The following SRPK2 variants were observed in gnomAD, a reference collection of about 807,000 sequenced individuals.
SRPK2 encodes SRSF protein kinase 2, also known as SFRS protein kinase 2.
A neutral mutation model predicts 90.8 loss-of-function variants in SRPK2; 21 were observed. That is an observed-to-expected ratio of 0.23 (90% confidence interval 0.16 to 0.33). The LOEUF (loss-of-function observed/expected upper bound fraction) is 0.33. SRPK2 is among the 10% of genes least tolerant of loss of function. The probability of loss-of-function intolerance (pLI) is 1.00; values close to 1 mark genes in which losing one functional copy is unlikely to be tolerated. For synonymous variants in SRPK2, 288 were observed against 311.1 expected (o/e 0.93, Z 0.78); for missense variants, 620 against 869.0 (o/e 0.71, Z 3.60).
chr7:105,193,903 G>A (rs540851610), intron 3 of SRPK2, among the ~76,000 whole-genome samples: 4 of 152,204 alleles, frequency 2.6e-5, no homozygotes, highest in South Asian at 2.1e-4. Flanking sequence ...TTATGTGTAC[G>A]ATTCCCTGCT....
intron 3 of SRPK2, among the ~76,000 whole-genome samples, chr7:105,170,587 G>A (rs908052256): frequency 1.3e-5 from 2 of 151,334 alleles, no homozygotes; most frequent in African/African-American, 2.4e-5. Flanking sequence ...CCAGCTACTC[G>A]GGAGGCTGAT....
At chr7:105,179,351 G>T (rs545639434) in intron 3 of SRPK2, among the ~76,000 whole-genome samples, 5 of 152,094 alleles carry the variant, frequency 3.3e-5, no homozygotes, top group Non-Finnish European at 2.9e-5. Context: ...TTACTGTTCT[G>T]CCAGTACTCT....
intron 13 of SRPK2, among the ~76,000 whole-genome samples, chr7:105,131,002 G>A (rs781606412): frequency 1.3e-5 from 2 of 152,192 alleles, no homozygotes; most frequent in African/African-American, 2.4e-5. Flanking sequence ...AAGCAGGACA[G>A]GGAAATTGTA....
intron 2 of SRPK2, among the ~76,000 whole-genome samples, chr7:105,250,679 G>A (rs962305438): frequency 5.3e-5 from 8 of 152,132 alleles, no homozygotes; most frequent in Admixed American, 5.2e-4. Flanking sequence ...CATTTAAATT[G>A]GAAGAATATT....
At chr7:105,357,097 G>A (rs907137273) in intron 2 of SRPK2, among the ~76,000 whole-genome samples, 2 of 150,590 alleles carry the variant, frequency 1.3e-5, no homozygotes, top group Non-Finnish European at 2.9e-5. Flanking sequence ...GTGCAGTGGT[G>A]CGATCTCGGC....
chr7:105,332,850 C>T (rs1241288685), intron 2 of SRPK2: 1 of 151,806 alleles, frequency 6.6e-6, no homozygotes, highest in African/African-American at 2.4e-5. Context: ...TTAGCATGGC[C>T]CCTGCCCAAG....
At chr7:105,169,050 CT>C (rs1790469874) in intron 4 of SRPK2, 106 bp downstream of exon 4, 1 of 936,744 alleles carries the variant, frequency 1.1e-6, no homozygotes, top group Non-Finnish European at 1.6e-6. Context: ...GTGCTAAGCA[CT>C]TCACATACCT....
At chr7:105,335,912 T>C (rs1204071) in intron 2 of SRPK2, among the ~76,000 whole-genome samples, 150,988 of 152,080 alleles carry the variant, frequency 0.99, 74,956 homozygotes, top group East Asian at 1. Context: ...GCCGAGGTCA[T>C]GCCATTGCAT....
intron 2 of SRPK2, among the ~76,000 whole-genome samples, chr7:105,280,724 G>A (rs1449568091): frequency 6.6e-6 from 1 of 150,590 alleles, no homozygotes; most frequent in African/African-American, 2.4e-5. Context: ...GAGGCGGGTG[G>A]ATCACGAGGT....
At chr7:105,242,589 G>C (rs1368324297) in intron 2 of SRPK2, among the ~76,000 whole-genome samples, 1 of 152,208 alleles carries the variant, frequency 6.6e-6, no homozygotes, top group South Asian at 2.1e-4. Context: ...AGTAAAGCAA[G>C]TGATCATTAT....
chr7:105,173,387 C>A (rs903457015), intron 3 of SRPK2, among the ~76,000 whole-genome samples: 4 of 152,176 alleles, frequency 2.6e-5, no homozygotes, highest in Non-Finnish European at 5.9e-5. Context: ...CTCCTGGTTT[C>A]CTACACAATC....
intron 3 of SRPK2, among the ~76,000 whole-genome samples, chr7:105,192,773 T>C (rs1308821886): frequency 6.6e-6 from 1 of 152,226 alleles, no homozygotes; most frequent in Non-Finnish European, 1.5e-5. Flanking sequence ...CATTGTGATT[T>C]TGATTTGCAT....
Position 105,117,950 on chromosome 7 carries a change from G to A in SRPK2, c.1988C>T (p.Pro663Leu). 6.2e-7 allele frequency: 1 copy of A among 1,614,148 alleles called. No individual in the cohort carries two copies. The highest frequency in any genetic ancestry group is 8.5e-7 in the Non-Finnish European group (1 of 1,180,022). The change falls in exon 16 of 16, where the codon CCC becomes CTC. Residue 663 changes from proline (P) to leucine (L), a missense_variant. Around this residue, in one of 8 missense-constraint regions of SRPK2, gnomAD observed 71 missense variants for 123.1 expected, o/e 0.58. Coordinates refer to ENST00000393651, the MANE Select transcript of SRPK2 (RefSeq NM_182692.3). Reference protein sequence around the residue: ...FDVLVEKYGWPHEDAAQFTDF... With the variant: ...FDVLVEKYGWLHEDAAQFTDF... ...TGTAAACTGTGCAGCATCTTCATGG[G>A]GCCAGCCATACTTTTCCACAAGTAC...
At chr7:105,385,411 C>T (rs997198792) in intron 2 of SRPK2, among the ~76,000 whole-genome samples, 1 of 151,424 alleles carries the variant, frequency 6.6e-6, no homozygotes. Context: ...CTCCTGACCT[C>T]GTGATCCGCC....
At chr7:105,301,888 G>C in intron 2 of SRPK2, 1 of 1,598,982 alleles carries the variant, frequency 6.3e-7, no homozygotes. Flanking sequence ...CCACAACATC[G>C]ATAAGCAATA....
At chr7:105,178,486 T>C (rs1175529675) in intron 3 of SRPK2, among the ~76,000 whole-genome samples, 2 of 152,140 alleles carry the variant, frequency 1.3e-5, no homozygotes, top group Admixed American at 1.3e-4. Flanking sequence ...GAGCAAAGGC[T>C]AATATTCCAA....
intron 2 of SRPK2, among the ~76,000 whole-genome samples, chr7:105,283,088 C>T (rs1235803247): frequency 6.6e-6 from 1 of 152,170 alleles, no homozygotes; most frequent in East Asian, 1.9e-4. Flanking sequence ...ATCAAAGTAA[C>T]AGTGAAATAC....
At chr7:105,310,502 G>A (rs1394664633) in intron 2 of SRPK2, among the ~76,000 whole-genome samples, 2 of 152,072 alleles carry the variant, frequency 1.3e-5, no homozygotes, top group South Asian at 2.1e-4. Context: ...ACTTTAGCAG[G>A]GCATGGTGGC....
At chr7:105,322,408 C>T (rs962498912) in intron 2 of SRPK2, among the ~76,000 whole-genome samples, 1 of 152,108 alleles carries the variant, frequency 6.6e-6, no homozygotes, top group African/African-American at 2.4e-5. Flanking sequence ...CAGAGTGAGA[C>T]TTGAATGTTG....
Sources: gnomAD v4.1 joint callset for allele counts (sites outside exome capture counted in the v4.1 genomes callset) on GRCh38, gnomAD v4.1.1 for gene constraint, gnomAD v4.1.1 regional missense constraint, MANE v1.5 for transcripts, NCBI Gene and HGNC (gene_info 2026-07-23, HGNC 2026-07-21) for gene names.